SLCO1B1: variants seen among roughly 807,000 people sequenced by gnomAD.
SLCO1B1 encodes the protein solute carrier organic anion transporter family member 1B1, also known as OATP-2.
SLCO1B1 carries 81 observed loss-of-function variants against 70.1 expected under a neutral mutation model. The ratio of observed to expected loss-of-function variants is 1.16; its 90% confidence interval spans 0.97 to 1.39. The LOEUF (loss-of-function observed/expected upper bound fraction) is 1.39. SLCO1B1 is among the 40% of genes most tolerant of loss of function. SLCO1B1 has a pLI of 0.00. For synonymous variants in SLCO1B1, 283 were observed against 271.5 expected (o/e 1.04, Z -0.42); for missense variants, 895 against 799.6 (o/e 1.12, Z -1.44).
chr12:21,157,204 C>A (rs1380028960), intron 2 of SLCO1B1, among the ~76,000 whole-genome samples: 3 of 151,874 alleles, frequency 2.0e-5, no homozygotes, highest in Admixed American at 6.6e-5. Context: ...AAAACTTGGC[C>A]CAGATCTGAC....
chr12:21,211,998 C>G (rs1475979150), intron 11 of SLCO1B1, among the ~76,000 whole-genome samples: 2 of 149,108 alleles, frequency 1.3e-5, no homozygotes, highest in East Asian at 4.0e-4. Flanking sequence ...TTTGTTGATC[C>G]TTTCAAAAAA....
chr12:21,227,629 T>G (rs58964144), intron 14 of SLCO1B1, among the ~76,000 whole-genome samples: 2,515 of 152,254 alleles, frequency 0.017, 66 homozygotes, highest in African/African-American at 0.057. Flanking sequence ...ACTTCATAAA[T>G]TTATCTTAAT....
At chr12:21,135,242 C>A (rs1940201124) in intron 1 of SLCO1B1, among the ~76,000 whole-genome samples, 1 of 152,152 alleles carries the variant, frequency 6.6e-6, no homozygotes, top group Non-Finnish European at 1.5e-5. Flanking sequence ...CTGAGGAGAG[C>A]TTTACTTCCA....
Position 21,202,672 on chromosome 12 carries a change from C to T in SLCO1B1, c.1317C>T (p.Thr439=). 1 of 1,611,446 alleles carries T rather than the reference C, an allele frequency of 6.2e-7. No homozygotes were observed. The highest frequency in any genetic ancestry group is 8.5e-7 in the Non-Finnish European group (1 of 1,178,544). Residue 439 remains threonine (T), a synonymous_variant, in exon 10 of 15, where the codon ACC becomes ACT. Transcript: ENST00000256958. ...AAAACAAATCAGTTGCCGGACTAACCATGACCTATGATGGGTTTGTATATA... is the reference window on the plus strand; with the variant it reads ...AAAACAAATCAGTTGCCGGACTAACTATGACCTATGATGGGTTTGTATATA... The part of the protein sequence containing the change: ...LCENKSVAGL[T]MTYDGNNPVT...
intron 14 of SLCO1B1, among the ~76,000 whole-genome samples, chr12:21,229,818 C>G (rs1941515576): frequency 6.6e-6 from 1 of 152,066 alleles, no homozygotes; most frequent in African/African-American, 2.4e-5. Context: ...CAAACAAAGA[C>G]AATTTCTTTC....
intron 7 of SLCO1B1, among the ~76,000 whole-genome samples, chr12:21,188,081 A>T (rs1346384950): frequency 6.6e-6 from 1 of 152,202 alleles, no homozygotes; most frequent in African/African-American, 2.4e-5. Flanking sequence ...AAACTAAAGC[A>T]TGTGTTGGAA....
rs748791061 is a variant in SLCO1B1, at chr12:21,239,080, T to TC, written c.1968dup (p.Asn657GlnfsTer11). 42 of 1,598,504 alleles carry TC rather than the reference T, an allele frequency of 2.6e-5. No homozygotes were observed. The highest frequency in any genetic ancestry group is 3.6e-5 in the Non-Finnish European group (42 of 1,166,412). On this transcript the variant is annotated frameshift_variant, in exon 15 of 15. Coordinates refer to ENST00000256958, the MANE Select transcript of SLCO1B1 (RefSeq NM_006446.5). LOFTEE classifies it low-confidence loss of function (END_TRUNC). ...AAGAAAAAATATCAAGAGAAAGATA[T>TC]CAATGCATCAGAAAATGGAAGTGTC...
intron 2 of SLCO1B1, among the ~76,000 whole-genome samples, chr12:21,144,511 A>C (rs1180961581): frequency 6.6e-6 from 1 of 152,132 alleles, no homozygotes; most frequent in Non-Finnish European, 1.5e-5. Flanking sequence ...TCCATGAAAA[A>C]TTTCCCAGTC....
intron 12 of SLCO1B1, among the ~76,000 whole-genome samples, chr12:21,218,166 A>G (rs937805945): frequency 6.6e-6 from 1 of 152,172 alleles, no homozygotes; most frequent in Non-Finnish European, 1.5e-5. Flanking sequence ...GCCTTAATAC[A>G]GGAAAGAGCT....
intron 1 of SLCO1B1, among the ~76,000 whole-genome samples, chr12:21,140,246 T>C (rs1407972595): frequency 6.6e-6 from 1 of 152,046 alleles, no homozygotes; most frequent in Non-Finnish European, 1.5e-5. Flanking sequence ...ATATTAGACA[T>C]ATTGTATAAT....
chr12:21,210,200 G>A lies in SLCO1B1; in HGVS notation c.1497+4167G>A, dbSNP rs1358953933. On this transcript the variant is annotated intron_variant, in intron 11 of 14. Coordinates refer to ENST00000256958, the MANE Select transcript of SLCO1B1 (RefSeq NM_006446.5). ...GGGTTTTTATGGTTTTAGGTCTAACGTTTAAGTCTTTAATCCATCTTGAAT... is the reference window on the plus strand; with the variant it reads ...GGGTTTTTATGGTTTTAGGTCTAACATTTAAGTCTTTAATCCATCTTGAAT... 2.9e-4 allele frequency among the ~76,000 whole-genome samples: 41 copies of A among 139,362 alleles called. 1 individual carries two copies. Among genetic ancestry groups the A allele is most frequent in the African/African-American group, 3.2e-4 (12 of 37,040 alleles). 91.4% of individuals were successfully genotyped at this position (139,362 alleles called of 152,430 possible).
intron 7 of SLCO1B1, among the ~76,000 whole-genome samples, chr12:21,193,415 G>A (rs940974801): frequency 3.3e-5 from 5 of 152,158 alleles, no homozygotes; most frequent in African/African-American, 1.2e-4. Flanking sequence ...CAGATACCAA[G>A]AGATGATTTT....
intron 2 of SLCO1B1, chr12:21,164,911 A>G: frequency 2.3e-6 from 1 of 440,356 alleles, no homozygotes; most frequent in South Asian, 1.7e-5. Flanking sequence ...TTATTGGTTT[A>G]TTGCTGCTGA....
At chr12:21,174,425 T>TA in intron 3 of SLCO1B1, 152 bp from the exon 4 acceptor site, 1 of 704,978 alleles carries the variant, frequency 1.4e-6, no homozygotes, top group Non-Finnish European at 2.4e-6. Flanking sequence ...ATGAGTGGTC[T>TA]AATGTAGGTG....
At chr12:21,218,049 G>T (rs1182866379) in intron 12 of SLCO1B1, among the ~76,000 whole-genome samples, 1 of 152,146 alleles carries the variant, frequency 6.6e-6, no homozygotes, top group Non-Finnish European at 1.5e-5. Context: ...GTGGGGGGCT[G>T]TGAAGAAGAG....
At chr12:21,204,224 C>T (rs1202715706) in intron 10 of SLCO1B1, among the ~76,000 whole-genome samples, 1 of 151,524 alleles carries the variant, frequency 6.6e-6, no homozygotes, top group Non-Finnish European at 1.5e-5. Context: ...TCAAGGGGTG[C>T]ACAACTTCAA....
intron 2 of SLCO1B1, among the ~76,000 whole-genome samples, chr12:21,168,409 A>G (rs945304913): frequency 1.3e-5 from 2 of 152,168 alleles, no homozygotes; most frequent in African/African-American, 4.8e-5. Flanking sequence ...TACTTTGACT[A>G]TATACCCAGA....
At chr12:21,144,222 A>T (rs138825336) in intron 2 of SLCO1B1, among the ~76,000 whole-genome samples, 87 of 152,286 alleles carry the variant, frequency 5.7e-4, no homozygotes, top group African/African-American at 1.9e-3. Context: ...TTTAAGAAAG[A>T]ACCAAAATTA....
At chr12:21,219,091 G>A (rs1160287133) in intron 12 of SLCO1B1, among the ~76,000 whole-genome samples, 1 of 151,992 alleles carries the variant, frequency 6.6e-6, no homozygotes, top group Non-Finnish European at 1.5e-5. Context: ...GTATGGGTGG[G>A]GAATGAAGGA....
Sources: gnomAD v4.1 joint callset for allele counts (sites outside exome capture counted in the v4.1 genomes callset) on GRCh38, gnomAD v4.1.1 for gene constraint, MANE v1.5 for transcripts, NCBI Gene and HGNC (gene_info 2026-07-23, HGNC 2026-07-21) for gene names.